EPRS1: variants seen among roughly 807,000 people sequenced by gnomAD.
The protein encoded by EPRS1 is bifunctional glutamate/proline--tRNA ligase.
Under a neutral mutation model 188.3 loss-of-function variants are expected in EPRS1, and 107 were observed. That is an observed-to-expected ratio of 0.57 (90% confidence interval 0.49 to 0.67). EPRS1 has a LOEUF of 0.67. EPRS1 is among the 30% of genes least tolerant of loss of function. The pLI, the probability that EPRS1 is intolerant of heterozygous loss-of-function variation, is 0.00. For missense variants in EPRS1, 1,577 were observed against 1,802.2 expected (o/e 0.88, Z 2.26); for synonymous variants, 596 against 593.1 (o/e 1.00, Z -0.07).
chr1:220,010,655 C>A (rs577192105), intron 13 of EPRS1, among the ~76,000 whole-genome samples: 114 of 151,860 alleles, frequency 7.5e-4, no homozygotes, highest in South Asian at 1.5e-3. Context: ...ACTAAAAATA[C>A]GAAAATTAGC....
At chr1:220,001,400 CTG>C (rs1661349470) in intron 16 of EPRS1, 145 bp from the exon 17 acceptor site, 2 of 616,288 alleles carry the variant, frequency 3.2e-6, no homozygotes. Context: ...CAGTCTCACT[CTG>C]TCGCCCAGGC....
At chr1:220,040,120 T>TA (rs1020881188) in intron 2 of EPRS1, 65 bp downstream of exon 2, 43 of 1,081,810 alleles carry the variant, frequency 4.0e-5, no homozygotes, top group African/African-American at 4.0e-4. Context: ...ACTCTGTCTC[T>TA]AAAAAAACTC....
At chr1:220,043,608 A>C (rs2577165) in intron 1 of EPRS1, among the ~76,000 whole-genome samples, 132,527 of 152,206 alleles carry the variant, frequency 0.87, 58,096 homozygotes, top group African/African-American at 0.97. Flanking sequence ...AGGTTAGAAT[A>C]ATCAGTAATG....
intron 15 of EPRS1, 86 bp downstream of exon 15, chr1:220,006,020 T>C: frequency 1.4e-6 from 1 of 739,432 alleles, no homozygotes; most frequent in Non-Finnish European, 2.1e-6. Context: ...ATCCATTTTA[T>C]CTGAGGATCC....
intron 6 of EPRS1, among the ~76,000 whole-genome samples, chr1:220,026,690 C>A (rs986333536): frequency 1.3e-5 from 2 of 151,684 alleles, no homozygotes; most frequent in South Asian, 2.1e-4. Context: ...GCCACCATGC[C>A]CGGCTAATTT....
intron 15 of EPRS1, among the ~76,000 whole-genome samples, chr1:220,005,688 G>GT: frequency 6.6e-6 from 1 of 152,254 alleles, no homozygotes; most frequent in South Asian, 2.1e-4. Context: ...GCATGCTGGC[G>GT]TAAGGCTTAA....
At chr1:220,024,137 G>T in intron 8 of EPRS1, 127 bp downstream of exon 8, 1 of 657,796 alleles carries the variant, frequency 1.5e-6, no homozygotes, top group Non-Finnish European at 2.5e-6. Flanking sequence ...AGGCAACAGA[G>T]CGAGACTCCT....
At chr1:219,989,278 A>T (rs1661073958) in intron 18 of EPRS1, among the ~76,000 whole-genome samples, 1 of 152,174 alleles carries the variant, frequency 6.6e-6, no homozygotes, top group Non-Finnish European at 1.5e-5. Flanking sequence ...TAGTTATATC[A>T]ATTTTAAAAA....
chr1:219,997,235 C>G lies in EPRS1; in HGVS notation c.2289G>C (p.Val763=). 6.2e-7 allele frequency: 1 copy of G among 1,614,024 alleles called. No homozygotes were observed. Among genetic ancestry groups the G allele is most frequent in the Non-Finnish European group, 8.5e-7 (1 of 1,179,982 alleles). Residue 763 remains valine, a synonymous_variant, in exon 18 of 32, where the codon GTG becomes GTC. Coordinates refer to ENST00000366923, the MANE Select transcript of EPRS1 (RefSeq NM_004446.3). ...LYNRVAVQGD[V]VRELKAKKAP... ...CTTTCTTGGCTTTTAATTCACGAACCACATCTCCTTGAACAGCCACTCTAT... is the reference window on the plus strand; with the variant it reads ...CTTTCTTGGCTTTTAATTCACGAACGACATCTCCTTGAACAGCCACTCTAT...
chr1:219,968,761 C>A lies in EPRS1; in HGVS notation c.*45G>T. 6.3e-7 allele frequency: 1 copy of A among 1,591,760 alleles called. No homozygotes were observed. ...ATCTGAGAAGATACTAATATCAATG[C>A]TTTAAAAAGTGAGAGGAGTTGAAGA... is the stretch of plus-strand genomic sequence containing the variant. On this transcript the variant is annotated 3_prime_UTR_variant, in exon 32 of 32. Coordinates refer to ENST00000366923, the MANE Select transcript of EPRS1 (RefSeq NM_004446.3).
chr1:220,030,089 A>G (rs945565844), intron 6 of EPRS1, among the ~76,000 whole-genome samples: 1 of 152,242 alleles, frequency 6.6e-6, no homozygotes, highest in Admixed American at 6.5e-5. Flanking sequence ...CTAAAAATAA[A>G]AATGAAATTT....
At chr1:220,045,461 G>T (rs1662383209) in intron 1 of EPRS1, among the ~76,000 whole-genome samples, 1 of 151,850 alleles carries the variant, frequency 6.6e-6, no homozygotes, top group South Asian at 2.1e-4. Context: ...CCTTGAAAGC[G>T]CCACTGCACT....
intron 18 of EPRS1, among the ~76,000 whole-genome samples, chr1:219,990,586 G>A (rs1694601): frequency 0.6 from 91,606 of 151,906 alleles, 28,652 homozygotes; most frequent in Non-Finnish European, 0.7. Flanking sequence ...TTTGAATCCC[G>A]AGTTTATTCC....
intron 3 of EPRS1, among the ~76,000 whole-genome samples, chr1:220,034,565 C>T (rs988998585): frequency 6.6e-6 from 1 of 152,162 alleles, no homozygotes; most frequent in Non-Finnish European, 1.5e-5. Flanking sequence ...TCAAACTTAA[C>T]TTTTCTAGGC....
At position 220,025,201 on chromosome 1, in the gene EPRS1, G is replaced by C. The variant is rs748037846; in HGVS notation, c.681C>G (p.Asn227Lys). ...ATCTCATGATCAGTTTCCCTTTAAAGTTAACCTGGTAGTGCTGGTTCAGAA... is the reference window on the plus strand; with the variant it reads ...ATCTCATGATCAGTTTCCCTTTAAACTTAACCTGGTAGTGCTGGTTCAGAA... ...AALLNQHYQVNFKGKLIMRFD... is the reference protein window; with the variant it reads ...AALLNQHYQVKFKGKLIMRFD... The change falls in exon 7 of 32, where the codon AAC (asparagine) becomes AAG (lysine). Residue 227 changes from asparagine (N) to lysine (K), a missense_variant. Physicochemically the swap from Asn to Lys is moderately conservative, Grantham distance 94. Around this residue, in one of 3 missense-constraint regions of EPRS1, gnomAD observed 1,278 missense variants for 1,457.4 expected, o/e 0.88. Coordinates refer to ENST00000366923, the MANE Select transcript of EPRS1 (RefSeq NM_004446.3). 1.9e-6 allele frequency: 3 copies of C among 1,612,698 alleles called. No homozygotes were observed. The highest frequency in any genetic ancestry group is 2.5e-6 in the Non-Finnish European group (3 of 1,179,072).
chr1:219,989,545 G>C (rs1661079689), intron 18 of EPRS1, among the ~76,000 whole-genome samples: 1 of 152,124 alleles, frequency 6.6e-6, no homozygotes, highest in African/African-American at 2.4e-5. Context: ...GATAGGAAAA[G>C]TGTCTCCAAA....
At chr1:219,975,228 C>T (rs1273517935) in intron 28 of EPRS1, among the ~76,000 whole-genome samples, 1 of 152,122 alleles carries the variant, frequency 6.6e-6, no homozygotes, top group African/African-American at 2.4e-5. Context: ...AACAGCTTTG[C>T]ATAGAGTGAC....
chr1:219,981,486 C>T, intron 23 of EPRS1, 29 bp from the exon 24 acceptor site: 3 of 1,445,690 alleles, frequency 2.1e-6, no homozygotes, highest in Middle Eastern at 3.5e-4. Flanking sequence ...TAGAGACAGT[C>T]ATTTAAGGCT....
chr1:219,970,992 A>C (rs12049352), intron 30 of EPRS1, among the ~76,000 whole-genome samples: 69,754 of 151,816 alleles, frequency 0.46, 16,111 homozygotes, highest in South Asian at 0.52. Flanking sequence ...TCAAGAAATA[A>C]GAGACATATT....
Sources: gnomAD v4.1 joint callset for allele counts (sites outside exome capture counted in the v4.1 genomes callset) on GRCh38, gnomAD v4.1.1 for gene constraint, gnomAD v4.1.1 regional missense constraint, MANE v1.5 for transcripts, NCBI Gene and HGNC (gene_info 2026-07-23, HGNC 2026-07-21) for gene names.